Variants in DPYSL3 observed in about 807,000 individuals in gnomAD.
The protein encoded by DPYSL3 is dihydropyrimidinase-related protein 3.
In DPYSL3, 16 loss-of-function variants were observed where a neutral mutation model predicts 66.1. The observed-to-expected ratio is 0.24, with a 90% CI of 0.16 to 0.37. DPYSL3 has a LOEUF of 0.37. Ranked by LOEUF, DPYSL3 falls within the 10% of genes least tolerant of loss-of-function variation. The pLI, the probability that DPYSL3 is intolerant of heterozygous loss-of-function variation, is 1.00. For missense variants in DPYSL3, 738 were observed against 916.2 expected, an observed-to-expected ratio of 0.81 and a Z score of 2.51; for synonymous variants, 338 against 345.1, an observed-to-expected ratio of 0.98 and a Z score of 0.23.
In DPYSL3 at chr5:147,394,217, T is replaced by C. The variant is rs2152013695; in HGVS notation, c.1967-94A>G. 17 of 1,290,466 alleles carry C rather than the reference T, an allele frequency of 1.3e-5. No individual in the cohort carries two copies. The South Asian group carries it at 2.0e-4, about 15-fold the overall frequency. 79.9% of individuals were successfully genotyped at this position (1,290,466 alleles called of 1,614,324 possible). ...AGAGAAACTGGGTTAATTTTAAGAG[T>C]GCAAGATATGAAGTGCCTTGCTGGC... On this transcript the variant is annotated intron_variant, in intron 13 of 13. Transcript: ENST00000343218.
chr5:147,502,146 TGGTGCAAA>T (rs999280568), intron 1 of DPYSL3, among the ~76,000 whole-genome samples: 47 of 152,226 alleles, frequency 3.1e-4, no homozygotes, highest in African/African-American at 1.1e-3. Context: ...TGTTCTCACC[TGGTGCAAA>T]GAGCAAAGCA....
rs1454498912 is a variant in DPYSL3, at chr5:147,400,691, C to T, written c.1452+1G>A. 6.2e-7 allele frequency: 1 copy of T among 1,613,910 alleles called. No individual in the cohort carries two copies. The highest frequency in any genetic ancestry group is 8.5e-7 in the Non-Finnish European group (1 of 1,179,838). On this transcript the variant is annotated splice_donor_variant, in intron 10 of 13. Transcript: ENST00000343218. LOFTEE classifies it high-confidence loss of function. ...ACCCTCCCATGACCTCCATGCCTTA[C>T]CACAGCCTTGTCCCAGATGACAGAC...
chr5:147,461,500 A>C lies in DPYSL3; in HGVS notation c.382-36537T>G, dbSNP rs893701671. ...TCTTTCTTTTGCCTATTAAACTTCC[A>C]CTCTCAACCTTACTCTTTGTGTGTC... On this transcript the variant is annotated intron_variant, in intron 1 of 13. Coordinates refer to ENST00000343218, the MANE Select transcript of DPYSL3 (RefSeq NM_001197294.2). Among the ~76,000 whole-genome samples the C allele has an allele frequency of 3.3e-5, 5 of 151,708 alleles. No individual in the cohort carries two copies. In the South Asian group the frequency reaches 6.3e-4, roughly 19 times the overall value.
In DPYSL3 at chr5:147,509,912, C is replaced by G. The variant is rs1051492864; in HGVS notation, c.-54G>C. The stretch of plus-strand genomic sequence containing the variant: ...TTTTCTTCCCCAGAGGCGGAAAGGG[C>G]AGCCGCCGGCAGCGTGCGCCGAGCC... On this transcript the variant is annotated 5_prime_UTR_variant, in exon 1 of 14. Transcript: ENST00000343218. The surrounding 1 kb of genome is among the most constrained non-coding windows in gnomAD (Gnocchi z 5.3). 3.4e-6 allele frequency: 5 copies of G among 1,454,184 alleles called. No individual in the cohort carries two copies. The highest frequency in any genetic ancestry group is 4.5e-6 in the Non-Finnish European group (5 of 1,106,178). The allele number at this position is 1,454,184 out of a possible 1,614,324, so 90.1% of individuals were successfully genotyped here. A position where few individuals can be genotyped will look rare whatever the true frequency, so the allele number is the denominator to read the frequency against.
intron 6 of DPYSL3, among the ~76,000 whole-genome samples, chr5:147,411,907 G>A (rs1037692588): frequency 6.6e-6 from 1 of 152,168 alleles, no homozygotes. Flanking sequence ...TCAAATGGAT[G>A]AAGAAAGCTC....
intron 6 of DPYSL3, among the ~76,000 whole-genome samples, 178 bp downstream of exon 6, chr5:147,412,430 T>C (rs890416052): frequency 6.6e-6 from 1 of 151,194 alleles, no homozygotes; most frequent in Admixed American, 6.6e-5. Flanking sequence ...ATTGCTTGTC[T>C]ACATTCCCCT....
chr5:147,440,549 C>G (rs572470263), intron 1 of DPYSL3, among the ~76,000 whole-genome samples: 2 of 152,164 alleles, frequency 1.3e-5, no homozygotes, highest in African/African-American at 4.8e-5. Context: ...TCACGGCCCA[C>G]GGCACATCAC....
chr5:147,398,782 G>A (rs1225029092), intron 11 of DPYSL3, among the ~76,000 whole-genome samples: 1 of 152,172 alleles, frequency 6.6e-6, no homozygotes, highest in Non-Finnish European at 1.5e-5. Flanking sequence ...GAAGCTTTCA[G>A]AGCCAGTAGA....
intron 5 of DPYSL3, 71 bp from the exon 6 acceptor site, chr5:147,412,759 G>C: frequency 7.4e-7 from 1 of 1,343,802 alleles, no homozygotes; most frequent in Non-Finnish European, 1.1e-6. Flanking sequence ...CCAATTACCA[G>C]AGCCCAAGCT....
At chr5:147,501,962 T>A (rs1414276940) in intron 1 of DPYSL3, among the ~76,000 whole-genome samples, 5 of 152,186 alleles carry the variant, frequency 3.3e-5, no homozygotes, top group African/African-American at 1.2e-4. Flanking sequence ...TTTGTTTTTT[T>A]AAAAAGGTGA....
intron 10 of DPYSL3, 66 bp from the exon 11 acceptor site, chr5:147,399,318 A>T (rs923724467): frequency 4.6e-6 from 7 of 1,514,248 alleles, no homozygotes; most frequent in Non-Finnish European, 6.2e-6. Flanking sequence ...GGGCTTCTGA[A>T]CTCAGAGAAA....
At chr5:147,474,905 A>G (rs933299758) in intron 1 of DPYSL3, among the ~76,000 whole-genome samples, 1 of 152,034 alleles carries the variant, frequency 6.6e-6, no homozygotes. Context: ...CACTCAAAAA[A>G]TCCTTTATTT....
chr5:147,497,023 G>A (rs1753527235), intron 1 of DPYSL3, among the ~76,000 whole-genome samples: 2 of 152,162 alleles, frequency 1.3e-5, no homozygotes, highest in South Asian at 4.1e-4. Context: ...GCGATAGACT[G>A]AATTAAGAAA....
In DPYSL3 at chr5:147,471,877, A is replaced by C. The variant is rs79346197; in HGVS notation, c.381+37601T>G. ...AAGCCTAAATATGCTTGCCTGCCAT[A>C]TGCCAATACATGTTTTTAGTCCAGG... On this transcript the variant is annotated intron_variant, in intron 1 of 13. Transcript: ENST00000343218. Among the ~76,000 whole-genome samples the C allele has an allele frequency of 7.2e-4, 109 of 152,294 alleles. 1 individual carries two copies. In the East Asian group the frequency reaches 0.012, roughly 17 times the overall value.
intron 1 of DPYSL3, among the ~76,000 whole-genome samples, chr5:147,485,689 T>C (rs961416044): frequency 3.9e-5 from 6 of 152,164 alleles, no homozygotes; most frequent in African/African-American, 1.4e-4. Context: ...GCCCTGCCCT[T>C]ACAGAGCTGA....
intron 1 of DPYSL3, among the ~76,000 whole-genome samples, chr5:147,490,530 G>A (rs913747799): frequency 6.6e-6 from 1 of 152,118 alleles, no homozygotes; most frequent in African/African-American, 2.4e-5. Flanking sequence ...CACAATGATC[G>A]AAATCTACAA....
At chr5:147,421,369 C>G (rs1752073243) in intron 2 of DPYSL3, among the ~76,000 whole-genome samples, 4 of 151,984 alleles carry the variant, frequency 2.6e-5, no homozygotes, top group Admixed American at 2.6e-4. Flanking sequence ...AAGACACAAA[C>G]AAATGGGAAA....
At chr5:147,413,527 G>A in intron 5 of DPYSL3, 69 bp downstream of exon 5, 2 of 1,278,030 alleles carry the variant, frequency 1.6e-6, no homozygotes, top group South Asian at 1.2e-5. Context: ...TGTTACAAGG[G>A]CCAAGGTCAT....
intron 1 of DPYSL3, among the ~76,000 whole-genome samples, chr5:147,431,509 G>A (rs890712949): frequency 6.6e-6 from 1 of 151,994 alleles, no homozygotes; most frequent in Non-Finnish European, 1.5e-5. Context: ...GTTGAACTCT[G>A]CTTGGCACAC....
Sources: gnomAD v4.1 joint callset for allele counts (sites outside exome capture counted in the v4.1 genomes callset) on GRCh38, gnomAD v4.1.1 for gene constraint, Gnocchi (gnomAD v3.1) non-coding constraint, MANE v1.5 for transcripts, NCBI Gene and HGNC (gene_info 2026-07-23, HGNC 2026-07-21) for gene names.